The following MGRN1 variants were observed in gnomAD, a reference collection of about 807,000 sequenced individuals.
MGRN1 encodes the protein E3 ubiquitin-protein ligase MGRN1.
In MGRN1, 29 loss-of-function variants were observed where a neutral mutation model predicts 69.2. The observed-to-expected ratio is 0.42, with a 90% CI of 0.31 to 0.57. The LOEUF (loss-of-function observed/expected upper bound fraction) is 0.57, where lower values mean the gene tolerates loss of function less well. Among genes scored for constraint, MGRN1 ranks in the 20% least tolerant of loss-of-function variants. The probability of loss-of-function intolerance (pLI) is 0.15; values close to 1 mark genes in which losing one functional copy is unlikely to be tolerated. For synonymous variants in MGRN1, 470 were observed against 344.2 expected, an observed-to-expected ratio of 1.37 and a Z score of -4.04; for missense variants, 998 against 796.2, an observed-to-expected ratio of 1.25 and a Z score of -3.05.
At chr16:4,688,072 C>G (rs1051540793) in intron 16 of MGRN1, 1 of 985,534 alleles carries the variant, frequency 1.0e-6, no homozygotes, top group Non-Finnish European at 1.2e-6. Context: ...CCTGCTCTCG[C>G]CGCGGCCCCC....
chr16:4,643,177 A>G (rs908875130), intron 1 of MGRN1, among the ~76,000 whole-genome samples: 1 of 151,564 alleles, frequency 6.6e-6, no homozygotes, highest in Non-Finnish European at 1.5e-5. Context: ...GCTGGTCTCA[A>G]TCTCGATCTC....
intron 1 of MGRN1, among the ~76,000 whole-genome samples, chr16:4,643,859 T>A (rs993624740): frequency 6.6e-6 from 1 of 152,212 alleles, no homozygotes; most frequent in African/African-American, 2.4e-5. Context: ...CGAAAAAACA[T>A]TGGAAATATG....
At position 4,650,459 on chromosome 16, in the gene MGRN1, C is replaced by T. The variant is rs1222236565; in HGVS notation, c.183C>T (p.Asn61=). 3.1e-6 allele frequency: 5 copies of T among 1,613,818 alleles called. No individual in the cohort carries two copies. In the Admixed American group the frequency reaches 5.0e-5, roughly 16 times the overall value. Residue 61 remains asparagine (N), a synonymous_variant, in exon 2 of 17, where the codon AAC becomes AAT. Transcript: ENST00000262370. ...TCTTTGGAGAGAACATGGATCTGAA[C>T]TTCCTGGGCAGCCGCCCGGTCCAGG... The part of the protein sequence containing the change: ...GYLFGENMDL[N]FLGSRPVQFP...
At chr16:4,688,714 C>T (rs2079391563) in intron 16 of MGRN1, 82 bp from the exon 17 acceptor site, 1 of 1,478,566 alleles carries the variant, frequency 6.8e-7, no homozygotes, top group East Asian at 2.5e-5. Context: ...CCCAGCCCCT[C>T]TGGGGCTCCA....
intron 5 of MGRN1, among the ~76,000 whole-genome samples, chr16:4,659,733 T>C (rs763365412): frequency 1.3e-5 from 2 of 152,232 alleles, no homozygotes; most frequent in Non-Finnish European, 2.9e-5. Flanking sequence ...GTCAGGACTT[T>C]TGTGGATGCA....
chr16:4,677,180 T>G, intron 10 of MGRN1: 2 of 315,542 alleles, frequency 6.3e-6, no homozygotes, highest in East Asian at 5.2e-5. Context: ...GGCCATTTCA[T>G]TAATACTGTG....
chr16:4,628,597 T>C (rs1454995505), intron 1 of MGRN1, among the ~76,000 whole-genome samples: 2 of 151,968 alleles, frequency 1.3e-5, no homozygotes, highest in African/African-American at 4.8e-5. Context: ...CAGGTTGCAA[T>C]GCAGTGGCAT....
At chr16:4,681,480 C>T (rs2079180961) in intron 12 of MGRN1, 70 bp from the exon 13 acceptor site, 2 of 1,430,778 alleles carry the variant, frequency 1.4e-6, no homozygotes, top group Non-Finnish European at 1.9e-6. Context: ...GACAGGAGGT[C>T]ATCAGGAGGA....
At chr16:4,658,769 C>A (rs946281391) in intron 5 of MGRN1, 7 of 152,150 alleles carry the variant, frequency 4.6e-5, no homozygotes, top group African/African-American at 1.7e-4. Flanking sequence ...CTTCGGGAGG[C>A]TGAGGTGGAA....
At chr16:4,626,718 C>A (rs1567161193) in intron 1 of MGRN1, among the ~76,000 whole-genome samples, 1 of 152,214 alleles carries the variant, frequency 6.6e-6, no homozygotes, top group Non-Finnish European at 1.5e-5. Flanking sequence ...ACATACATGT[C>A]ATTTACAGCC....
At position 4,689,804 on chromosome 16, in the gene MGRN1, T is replaced by C. The variant is rs1464113326; in HGVS notation, c.*896T>C. The C allele has an allele frequency of 6.6e-6, 1 of 151,146 alleles. No individual in the cohort carries two copies. The highest frequency in any genetic ancestry group is 1.5e-5 in the Non-Finnish European group (1 of 67,900). 9.4% of individuals were successfully genotyped at this position (151,146 alleles called of 1,614,324 possible). Reference sequence around the variant, plus strand: ...TTTTGAGATGGAGTTTCACTCTTGCTGCCCAGGCTGGAGTGCAGTGGCTCA... The same window carrying C: ...TTTTGAGATGGAGTTTCACTCTTGCCGCCCAGGCTGGAGTGCAGTGGCTCA... On this transcript the variant is annotated 3_prime_UTR_variant, in exon 17 of 17. Transcript: ENST00000262370.
chr16:4,683,586 T>C (rs567521861), intron 15 of MGRN1, among the ~76,000 whole-genome samples: 6 of 148,900 alleles, frequency 4.0e-5, no homozygotes, highest in Non-Finnish European at 8.9e-5. Context: ...GCTCTGAACA[T>C]CCAGGACACA....
At chr16:4,628,385 CAAAAA>C (rs35474754) in intron 1 of MGRN1, among the ~76,000 whole-genome samples, 4 of 94,006 alleles carry the variant, frequency 4.3e-5, no homozygotes, top group East Asian at 3.2e-4. Flanking sequence ...ACTCTGTCTC[CAAAAA>C]AAAAAAAAAA....
chr16:4,684,398 G>C (rs1482418111), intron 16 of MGRN1, among the ~76,000 whole-genome samples: 1 of 152,244 alleles, frequency 6.6e-6, no homozygotes, highest in Non-Finnish European at 1.5e-5. Flanking sequence ...GCTGCAGACA[G>C]AGCAGGAGCA....
At chr16:4,683,021 C>T in intron 14 of MGRN1, 75 bp downstream of exon 14, 3 of 1,487,328 alleles carry the variant, frequency 2.0e-6, no homozygotes, top group Middle Eastern at 2.4e-4. Context: ...TGGAATCAGA[C>T]CCCATCCCAC....
chr16:4,635,373 C>T (rs993337995), intron 1 of MGRN1, among the ~76,000 whole-genome samples: 8 of 152,156 alleles, frequency 5.3e-5, no homozygotes, highest in Admixed American at 3.9e-4. Context: ...GCCAAGATTG[C>T]GCCACTGCAC....
rs111667748 is a variant in MGRN1, at chr16:4,672,296, C to G, written c.795+837C>G. On this transcript the variant is annotated intron_variant, in intron 9 of 16. Coordinates refer to ENST00000262370, the MANE Select transcript of MGRN1 (RefSeq NM_015246.4). The stretch of plus-strand genomic sequence containing the variant: ...TTCTGATCTCAAGTGATCTGCCTGC[C>G]TCAGCCTCCCAAAGTGCTGGGATTT... 797 of 455,352 alleles carry G rather than the reference C, an allele frequency of 1.8e-3. 5 individuals are homozygous for G. The highest frequency in any genetic ancestry group is 0.014 in the African/African-American group (714 of 50,158). The allele number at this position is 455,352 out of a possible 1,614,324, so 28.2% of individuals were successfully genotyped here. A position where few individuals can be genotyped will look rare whatever the true frequency, so the allele number is the denominator to read the frequency against.
chr16:4,688,186 G>A, intron 16 of MGRN1: 2 of 985,600 alleles, frequency 2.0e-6, no homozygotes, highest in Non-Finnish European at 2.4e-6. Flanking sequence ...CTGAGGCCAT[G>A]CTGGCCCCGT....
intron 16 of MGRN1, among the ~76,000 whole-genome samples, chr16:4,684,653 C>T (rs868268201): frequency 7.2e-5 from 11 of 152,390 alleles, no homozygotes; most frequent in Middle Eastern, 6.8e-3. Context: ...ATCAGCCAAG[C>T]ACCTTCGTGC....
Sources: gnomAD v4.1 joint callset for allele counts (sites outside exome capture counted in the v4.1 genomes callset) on GRCh38, gnomAD v4.1.1 for gene constraint, MANE v1.5 for transcripts, NCBI Gene and HGNC (gene_info 2026-07-23, HGNC 2026-07-21) for gene names.